EML6: variants seen among roughly 807,000 people sequenced by gnomAD.
The protein encoded by EML6 is EMAP like 6.
A neutral mutation model predicts 240.1 loss-of-function variants in EML6; 154 were observed. The ratio of observed to expected loss-of-function variants is 0.64; its 90% CI spans 0.56 to 0.73. EML6 has a LOEUF of 0.73. Among genes scored for constraint, EML6 ranks in the 30% least tolerant of loss-of-function variants. The pLI is 0.00. For missense variants in EML6, 2,964 were observed against 2,474.6 expected, an observed-to-expected ratio of 1.20 and a Z score of -4.20; for synonymous variants, 1,148 against 899.0, an observed-to-expected ratio of 1.28 and a Z score of -4.95.
At chr2:54,969,406 A>G (rs1160825584) in intron 41 of EML6, among the ~76,000 whole-genome samples, 1 of 152,158 alleles carries the variant, frequency 6.6e-6, no homozygotes, top group African/African-American at 2.4e-5. Flanking sequence ...ATCTCAACCC[A>G]CTTCCCACTC....
Position 54,829,247 on chromosome 2 carries a change from T to C in EML6, c.712-95T>C, listed in dbSNP as rs1572964113. 3.2e-6 allele frequency: 4 copies of C among 1,262,638 alleles called. No individual in the cohort carries two copies. The East Asian group carries it at 1.0e-4, about 33-fold the overall frequency. The allele number at this position is 1,262,638 out of a possible 1,614,324, so 78.2% of individuals were successfully genotyped here. On this transcript the variant is annotated intron_variant, in intron 6 of 41. Coordinates refer to ENST00000356458, the MANE Select transcript of EML6 (RefSeq NM_001039753.4). ...GAACAAAGGGGTTTTATTTTTGTTT[T>C]TGACTTGCTATGTTTTTAAATCAAC...
At chr2:54,915,420 G>C (rs1673860163) in intron 25 of EML6, among the ~76,000 whole-genome samples, 1 of 152,118 alleles carries the variant, frequency 6.6e-6, no homozygotes, top group Non-Finnish European at 1.5e-5. Flanking sequence ...ACCAGCAAGG[G>C]ATGGTTCCCT....
chr2:54,898,122 C>T (rs1487824904), intron 21 of EML6, among the ~76,000 whole-genome samples: 1 of 151,996 alleles, frequency 6.6e-6, no homozygotes, highest in Non-Finnish European at 1.5e-5. Context: ...AAGCAGTCAG[C>T]TCGCAGTTGT....
chr2:54,796,362 AT>A (rs1669771159), intron 2 of EML6, among the ~76,000 whole-genome samples: 1 of 152,158 alleles, frequency 6.6e-6, no homozygotes, highest in Admixed American at 6.5e-5. Flanking sequence ...TAAATGACCT[AT>A]TTCTTCAGAG....
At chr2:54,735,692 T>C (rs354236) in intron 2 of EML6, among the ~76,000 whole-genome samples, 1 of 152,170 alleles carries the variant, frequency 6.6e-6, no homozygotes, top group Non-Finnish European at 1.5e-5. Context: ...ATGTTTGTGC[T>C]TAAGGTATTT....
chr2:54,920,956 A>G (rs773227123), intron 26 of EML6, among the ~76,000 whole-genome samples: 3 of 152,100 alleles, frequency 2.0e-5, no homozygotes, highest in African/African-American at 7.2e-5. Flanking sequence ...AAAATTCAAC[A>G]TCCTCTCATG....
intron 41 of EML6, 72 bp from the exon 42 acceptor site, chr2:54,969,999 G>A (rs2104566753): frequency 6.7e-7 from 1 of 1,503,376 alleles, no homozygotes; most frequent in East Asian, 2.5e-5. Flanking sequence ...CACTTGGCAA[G>A]ATTGTTTTTT....
chr2:54,832,863 A>G (rs746026621), intron 7 of EML6, among the ~76,000 whole-genome samples: 1 of 152,126 alleles, frequency 6.6e-6, no homozygotes, highest in Non-Finnish European at 1.5e-5. Flanking sequence ...GCAGTGTTAG[A>G]CTTCCTTGCC....
chr2:54,918,090 T>G (rs990553919), intron 26 of EML6, among the ~76,000 whole-genome samples: 4 of 152,216 alleles, frequency 2.6e-5, no homozygotes, highest in African/African-American at 7.2e-5. Context: ...ACTTACACAA[T>G]TGATTTTCTA....
At position 54,928,442 on chromosome 2, in the gene EML6, G is replaced by T; in HGVS notation, c.3805G>T (p.Glu1269Ter). Reference sequence around the variant, plus strand: ...CACAGCCCTGATGATCTGGACCAGGGAGTTTGTGGGGACCCAGGAGAGCAA... The same window carrying T: ...CACAGCCCTGATGATCTGGACCAGGTAGTTTGTGGGGACCCAGGAGAGCAA... Reference protein sequence around the residue: ...ADTALMIWTREFVGTQESKLV... With the variant: ...ADTALMIWTR The change falls in exon 27 of 42, where the codon GAG becomes TAG. Residue 1269 changes from glutamate (E) to a stop codon, truncating the protein, a stop_gained. Coordinates refer to ENST00000356458, the MANE Select transcript of EML6 (RefSeq NM_001039753.4). LOFTEE classifies it high-confidence loss of function. 1 of 1,551,030 alleles carries T rather than the reference G, an allele frequency of 6.4e-7. No homozygotes were observed. Among genetic ancestry groups the T allele is most frequent in the South Asian group, 1.2e-5 (1 of 84,018 alleles).
intron 22 of EML6, among the ~76,000 whole-genome samples, chr2:54,900,900 A>AT (rs1673020618): frequency 6.6e-6 from 1 of 152,196 alleles, no homozygotes; most frequent in African/African-American, 2.4e-5. Context: ...CAGAGAGGTG[A>AT]CGAGCTGAGG....
intron 32 of EML6, among the ~76,000 whole-genome samples, chr2:54,956,334 T>C (rs1023037134): frequency 1.3e-4 from 20 of 151,376 alleles, no homozygotes; most frequent in Admixed American, 3.3e-4. Flanking sequence ...TTCCATCTCA[T>C]TGGCCACTTG....
chr2:54,939,191 A>G (rs933387251), intron 28 of EML6, among the ~76,000 whole-genome samples: 3 of 152,252 alleles, frequency 2.0e-5, no homozygotes, highest in Non-Finnish European at 4.4e-5. Flanking sequence ...TAATCCAGCT[A>G]GGAAATCTCT....
At chr2:54,913,725 C>A (rs770803081) in intron 25 of EML6, among the ~76,000 whole-genome samples, 2 of 152,120 alleles carry the variant, frequency 1.3e-5, no homozygotes, top group Non-Finnish European at 2.9e-5. Context: ...GTCATAAATT[C>A]TTTCCCAAGG....
intron 2 of EML6, among the ~76,000 whole-genome samples, chr2:54,785,740 T>C (rs1669053666): frequency 6.6e-6 from 1 of 152,254 alleles, no homozygotes; most frequent in South Asian, 2.1e-4. Flanking sequence ...TGTTTACATA[T>C]ACTTTTTGCA....
intron 17 of EML6, among the ~76,000 whole-genome samples, chr2:54,883,989 C>T (rs1558647662): frequency 1.3e-5 from 2 of 152,216 alleles, no homozygotes; most frequent in Non-Finnish European, 2.9e-5. Flanking sequence ...ACAATCTGCA[C>T]AGAGACTTCT....
intron 2 of EML6, among the ~76,000 whole-genome samples, chr2:54,809,331 T>G (rs947141789): frequency 6.6e-5 from 10 of 152,208 alleles, no homozygotes; most frequent in African/African-American, 2.4e-4. Context: ...CAAGGTAGAA[T>G]AAGCATTTTG....
chr2:54,816,878 C>A lies in EML6; in HGVS notation c.449C>A (p.Ser150Tyr). ...GKLLASATGH[S>Y]DRIFDISWDP... ...CTTCTGGCGTCAGCCACCGGCCATT[C>A]TGACAGGGTAAGAACTTGTTGGATC... Residue 150 changes from serine (S) to tyrosine (Y), a missense_variant, in exon 4 of 42, where the codon TCT (serine) becomes TAT (tyrosine). Physicochemically the swap from Ser to Tyr is moderately radical, Grantham distance 144. Transcript: ENST00000356458. The A allele has an allele frequency of 6.5e-7, 1 of 1,549,690 alleles. No individual in the cohort carries two copies. Among genetic ancestry groups the A allele is most frequent in the Admixed American group, 2.0e-5 (1 of 50,998 alleles).
chr2:54,858,986 A>G (rs1160965078), intron 11 of EML6, among the ~76,000 whole-genome samples: 1 of 152,186 alleles, frequency 6.6e-6, no homozygotes, highest in Non-Finnish European at 1.5e-5. Flanking sequence ...ATATGCTGAT[A>G]TGCTGAAGGC....
Sources: allele counts gnomAD v4.1 joint callset (sites outside exome capture counted in the v4.1 genomes callset), GRCh38; gene constraint gnomAD v4.1.1; transcripts MANE v1.5; gene names NCBI Gene and HGNC (gene_info 2026-07-23, HGNC 2026-07-21).